The following GRIN2A variants were observed in gnomAD, a reference collection of about 807,000 sequenced individuals.
The protein encoded by GRIN2A is glutamate receptor ionotropic, NMDA 2A.
GRIN2A carries 22 observed loss-of-function variants against 113.4 expected under a neutral mutation model. The observed-to-expected ratio is 0.19, with a 90% confidence interval of 0.14 to 0.28. The LOEUF (loss-of-function observed/expected upper bound fraction) is 0.28. Ranked by LOEUF, GRIN2A falls within the 10% of genes least tolerant of loss-of-function variation. GRIN2A has a pLI of 1.00. For missense variants in GRIN2A, 1,502 were observed against 1,887.0 expected (o/e 0.80, Z 3.78); for synonymous variants, 827 against 738.4 (o/e 1.12, Z -1.94).
At chr16:10,177,356 G>A (rs888134046) in intron 2 of GRIN2A, among the ~76,000 whole-genome samples, 1 of 152,130 alleles carries the variant, frequency 6.6e-6, no homozygotes, top group African/African-American at 2.4e-5. Flanking sequence ...ATACCCCGAT[G>A]TTACCTCCAC....
At chr16:9,927,403 T>C (rs2044489100) in intron 3 of GRIN2A, among the ~76,000 whole-genome samples, 1 of 152,168 alleles carries the variant, frequency 6.6e-6, no homozygotes, top group African/African-American at 2.4e-5. Context: ...TCTTCCCAGG[T>C]GTTACCAGCA....
At chr16:10,172,122 T>C (rs145504478) in intron 2 of GRIN2A, among the ~76,000 whole-genome samples, 25 of 152,194 alleles carry the variant, frequency 1.6e-4, no homozygotes, top group African/African-American at 6.0e-4. Flanking sequence ...CTGGAAGAGA[T>C]CTTAGTGATA....
chr16:9,955,286 C>T (rs900290225), intron 2 of GRIN2A, among the ~76,000 whole-genome samples: 1 of 152,218 alleles, frequency 6.6e-6, no homozygotes, highest in Non-Finnish European at 1.5e-5. Flanking sequence ...AATGACCTCT[C>T]GGCCACCTTG....
chr16:10,110,482 G>A (rs888376888), intron 2 of GRIN2A, among the ~76,000 whole-genome samples: 3 of 152,236 alleles, frequency 2.0e-5, no homozygotes, highest in South Asian at 2.1e-4. Flanking sequence ...AGTGGCAAGG[G>A]GGCAAAGTGG....
intron 4 of GRIN2A, among the ~76,000 whole-genome samples, chr16:9,859,707 A>C (rs2043031145): frequency 6.6e-6 from 1 of 151,318 alleles, no homozygotes; most frequent in Non-Finnish European, 1.5e-5. Flanking sequence ...AACGACACCC[A>C]CTTTCCTGCC....
At chr16:10,074,964 A>G (rs1323537493) in intron 2 of GRIN2A, among the ~76,000 whole-genome samples, 2 of 152,186 alleles carry the variant, frequency 1.3e-5, no homozygotes, top group Non-Finnish European at 2.9e-5. Flanking sequence ...GCTATTATAC[A>G]TAGATAAAAT....
chr16:10,110,753 C>G (rs767600720), intron 2 of GRIN2A, among the ~76,000 whole-genome samples: 1 of 152,212 alleles, frequency 6.6e-6, no homozygotes, highest in Admixed American at 6.5e-5. Flanking sequence ...AGGCTCCACT[C>G]CTTTCACAGC....
intron 2 of GRIN2A, among the ~76,000 whole-genome samples, chr16:10,048,318 G>A (rs539951568): frequency 2.6e-4 from 39 of 152,098 alleles, no homozygotes; most frequent in Non-Finnish European, 4.1e-4. Context: ...TAATTCCTTC[G>A]TAATCAATCC....
intron 4 of GRIN2A, among the ~76,000 whole-genome samples, chr16:9,888,255 CT>C (rs918790102): frequency 1.4e-4 from 21 of 152,176 alleles, no homozygotes; most frequent in Non-Finnish European, 1.5e-5. Context: ...GGCACAGTGG[CT>C]AACAGTGTCT....
chr16:10,130,412 G>T (rs1309659375), intron 2 of GRIN2A, among the ~76,000 whole-genome samples: 1 of 152,198 alleles, frequency 6.6e-6, no homozygotes, highest in African/African-American at 2.4e-5. Context: ...AGATCTTTGG[G>T]CTCAAAAGGG....
rs1208156694 is a variant in GRIN2A, at chr16:9,812,408, G to A, written c.2168+9856C>T. The stretch of plus-strand genomic sequence containing the variant: ...AATCCCAGCACTTTGGGAGGCCGAG[G>A]TGGGAGGATCACCTGAGGCCAGGAG... On this transcript the variant is annotated intron_variant, in intron 10 of 12. Transcript: ENST00000330684. Among the ~76,000 whole-genome samples the A allele has an allele frequency of 2.6e-5, 4 of 152,190 alleles. No individual in the cohort carries two copies. In the East Asian group the frequency reaches 5.8e-4, roughly 22 times the overall value.
At chr16:9,939,267 G>T (rs1048566566) in intron 2 of GRIN2A, among the ~76,000 whole-genome samples, 4 of 152,212 alleles carry the variant, frequency 2.6e-5, no homozygotes, top group African/African-American at 9.6e-5. Flanking sequence ...AAGAGGAGAA[G>T]TGCATGGATG....
At chr16:10,099,464 C>T (rs527478983) in intron 2 of GRIN2A, among the ~76,000 whole-genome samples, 1 of 137,246 alleles carries the variant, frequency 7.3e-6, no homozygotes, top group African/African-American at 2.7e-5. Context: ...GAATGCCATC[C>T]TGTCTCCCTC....
intron 2 of GRIN2A, among the ~76,000 whole-genome samples, chr16:10,124,385 C>A (rs972788374): frequency 6.6e-6 from 1 of 152,210 alleles, no homozygotes; most frequent in Non-Finnish European, 1.5e-5. Context: ...TGCTCAATAA[C>A]TGGAGGCTGT....
chr16:9,858,048 G>C (rs1222215880), intron 4 of GRIN2A, among the ~76,000 whole-genome samples: 1 of 151,792 alleles, frequency 6.6e-6, no homozygotes, highest in Non-Finnish European at 1.5e-5. Flanking sequence ...TTAACGAATA[G>C]GCACGTGTCC....
intron 2 of GRIN2A, among the ~76,000 whole-genome samples, chr16:10,072,942 C>T (rs903518522): frequency 3.2e-5 from 3 of 93,778 alleles, no homozygotes; most frequent in African/African-American, 1.2e-4. Flanking sequence ...AGTGACAAGA[C>T]CCCCTTTTTT....
intron 2 of GRIN2A, among the ~76,000 whole-genome samples, chr16:10,157,094 GC>G (rs2142312404): frequency 6.6e-6 from 1 of 152,172 alleles, no homozygotes; most frequent in Non-Finnish European, 1.5e-5. Context: ...TGTCCAATGC[GC>G]CCCTTGAGTA....
At chr16:9,818,001 G>A (rs116520160) in intron 10 of GRIN2A, among the ~76,000 whole-genome samples, 2,101 of 152,142 alleles carry the variant, frequency 0.014, 47 homozygotes, top group African/African-American at 0.048. Context: ...GATGCTGGTC[G>A]TGGTAAAGGA....
At chr16:10,168,139 G>A (rs538481526) in intron 2 of GRIN2A, among the ~76,000 whole-genome samples, 1 of 152,318 alleles carries the variant, frequency 6.6e-6, no homozygotes, top group African/African-American at 2.4e-5. Flanking sequence ...CTGTAGATGA[G>A]CTTCTTAGCC....
Sources: allele counts gnomAD v4.1 joint callset (sites outside exome capture counted in the v4.1 genomes callset), GRCh38; gene constraint gnomAD v4.1.1; transcripts MANE v1.5; gene names NCBI Gene and HGNC (gene_info 2026-07-23, HGNC 2026-07-21).